MOV10L1: variants seen among roughly 807,000 people sequenced by gnomAD.
The protein encoded by MOV10L1 is RNA helicase Mov10l1.
Under a neutral mutation model 143.8 loss-of-function variants are expected in MOV10L1, and 110 were observed. That is an observed-to-expected ratio of 0.76 (90% CI 0.66 to 0.90). The LOEUF is 0.90. Among genes scored for constraint, MOV10L1 ranks in the 40% least tolerant of loss-of-function variants. The pLI is 0.00. For missense variants in MOV10L1, 1,406 were observed against 1,526.8 expected, an observed-to-expected ratio of 0.92 and a Z score of 1.32; for synonymous variants, 593 against 581.1, an observed-to-expected ratio of 1.02 and a Z score of -0.29.
At chr22:50,151,757 G>A (rs540874064) in intron 21 of MOV10L1, among the ~76,000 whole-genome samples, 2 of 152,340 alleles carry the variant, frequency 1.3e-5, no homozygotes, top group South Asian at 2.1e-4. Context: ...TGCAGGTGAC[G>A]TGGCCGCAGC....
At position 50,143,355 on chromosome 22, in the gene MOV10L1, A is replaced by G. The variant is rs771242808; in HGVS notation, c.2358+134A>G. 8 of 1,026,788 alleles carry G rather than the reference A, an allele frequency of 7.8e-6. No individual in the cohort carries two copies. In the East Asian group the frequency reaches 2.0e-4, roughly 25 times the overall value. 63.6% of individuals were successfully genotyped at this position (1,026,788 alleles called of 1,614,324 possible). A position where few individuals can be genotyped will look rare whatever the true frequency, so the allele number is the denominator to read the frequency against. On this transcript the variant is annotated intron_variant, in intron 17 of 26. Transcript: ENST00000262794. ...GCTTGAGAAATACCAGTTATTTCAT[A>G]ATGTTAAGTCTGTTTTTGTGGATAT...
intron 3 of MOV10L1, among the ~76,000 whole-genome samples, chr22:50,106,525 A>G (rs997641225): frequency 1.3e-5 from 2 of 151,928 alleles, no homozygotes; most frequent in African/African-American, 2.4e-5. Flanking sequence ...TACAACGTAT[A>G]GAACTAGTAC....
In MOV10L1 at chr22:50,141,995, A is replaced by G. The variant is rs1053469958; in HGVS notation, c.2071-86A>G. ...GTTAAATAAATATACTAAGTAGAACACTAGATGTTTACGTTTGCTCTTTCA... is the reference window on the plus strand; with the variant it reads ...GTTAAATAAATATACTAAGTAGAACGCTAGATGTTTACGTTTGCTCTTTCA... On this transcript the variant is annotated intron_variant, in intron 15 of 26. Transcript: ENST00000262794. The G allele has an allele frequency of 6.1e-6, 6 of 983,116 alleles. No individual in the cohort carries two copies. The African/African-American group carries it at 8.2e-5, about 13-fold the overall frequency. 60.9% of individuals were successfully genotyped at this position (983,116 alleles called of 1,614,324 possible). A position where few individuals can be genotyped will look rare whatever the true frequency, so the allele number is the denominator to read the frequency against.
Position 50,099,842 on chromosome 22 carries a change from A to G in MOV10L1, c.442+240A>G, listed in dbSNP as rs116408971. On this transcript the variant is annotated intron_variant, in intron 3 of 26. Transcript: ENST00000262794. Reference sequence around the variant, plus strand: ...TTTGTGATGGCTACACACAACATTGAAGGGATCAGTTTTGGGCATGCTTTG... The same window carrying G: ...TTTGTGATGGCTACACACAACATTGGAGGGATCAGTTTTGGGCATGCTTTG... 7.2e-3 allele frequency among the ~76,000 whole-genome samples: 1,091 copies of G among 152,216 alleles called. 13 individuals carry two copies. Among genetic ancestry groups the G allele is most frequent in the African/African-American group, 0.025 (1,036 of 41,522 alleles).
In MOV10L1 at chr22:50,144,118, A is replaced by C. The variant is rs752340340; in HGVS notation, c.2380A>C (p.Ser794Arg). The C allele has an allele frequency of 6.2e-7, 1 of 1,610,522 alleles. No individual in the cohort carries two copies. Among genetic ancestry groups the C allele is most frequent in the South Asian group, 1.1e-5 (1 of 90,998 alleles). ...VLQVHFALPD[S>R]RILVCAPSNS... ...GAAGGTACACTTTGCCTTGCCGGAC[A>C]GTCGGATTTTAGTCTGTGCGCCCTC... Residue 794 changes from serine (S) to arginine (R), a missense_variant, in exon 18 of 27, where the codon AGT (serine) becomes CGT (arginine). Physicochemically the swap from Ser to Arg is moderately radical, Grantham distance 110. Around this residue, in one of 3 missense-constraint regions of MOV10L1, gnomAD observed 1,233 missense variants for 1,351.4 expected, o/e 0.91. Transcript: ENST00000262794.
At chr22:50,148,758 G>T (rs1403346832) in intron 19 of MOV10L1, among the ~76,000 whole-genome samples, 1 of 151,806 alleles carries the variant, frequency 6.6e-6, no homozygotes, top group African/African-American at 2.4e-5. Context: ...CCGCCTCCCA[G>T]GTTCACGCCA....
At chr22:50,150,441 C>T (rs1000057140) in intron 20 of MOV10L1, among the ~76,000 whole-genome samples, 3 of 152,240 alleles carry the variant, frequency 2.0e-5, no homozygotes, top group Non-Finnish European at 4.4e-5. Flanking sequence ...AGAAGATAGA[C>T]GGCATCCTTG....
At chr22:50,120,015 C>T (rs759774706) in intron 9 of MOV10L1, among the ~76,000 whole-genome samples, 1 of 152,192 alleles carries the variant, frequency 6.6e-6, no homozygotes, top group African/African-American at 2.4e-5. Context: ...TGTTCTTCAT[C>T]CTGAACAAAC....
chr22:50,123,729 G>A (rs1194448865), intron 10 of MOV10L1, among the ~76,000 whole-genome samples: 3 of 152,144 alleles, frequency 2.0e-5, no homozygotes, highest in African/African-American at 7.2e-5. Flanking sequence ...GAGAAAGATT[G>A]GTATTAGTTA....
intron 13 of MOV10L1, among the ~76,000 whole-genome samples, chr22:50,131,154 C>T (rs760244439): frequency 1.3e-5 from 2 of 151,698 alleles, no homozygotes; most frequent in Non-Finnish European, 2.9e-5. Context: ...GTGATCTGCC[C>T]ACCTTGGCCT....
chr22:50,099,708 C>T, intron 3 of MOV10L1, 106 bp downstream of exon 3: 2 of 1,306,534 alleles, frequency 1.5e-6, no homozygotes, highest in Non-Finnish European at 1.0e-6. Context: ...AGCACTTTGT[C>T]AGGCTGAGAC....
Position 50,115,170 on chromosome 22 carries a change from C to A in MOV10L1, c.1183C>A (p.Gln395Lys). Residue 395 changes from glutamine (Q) to lysine (K), a missense_variant, in exon 8 of 27, where the codon CAG becomes AAG. Transcript: ENST00000262794. ...GEKDNILSRKQMTEPEPGGLV... is the reference protein window; with the variant it reads ...GEKDNILSRKKMTEPEPGGLV... Reference sequence around the variant, plus strand: ...AAAAGACAACATTCTATCAAGGAAGCAGATGACAGAGCCTGAGCCTGGGGG... The same window carrying A: ...AAAAGACAACATTCTATCAAGGAAGAAGATGACAGAGCCTGAGCCTGGGGG... 1 of 1,569,604 alleles carries A rather than the reference C, an allele frequency of 6.4e-7. No individual in the cohort carries two copies. The highest frequency in any genetic ancestry group is 8.6e-7 in the Non-Finnish European group (1 of 1,165,080).
chr22:50,136,650 G>C (rs573256490), intron 15 of MOV10L1, among the ~76,000 whole-genome samples: 1 of 152,194 alleles, frequency 6.6e-6, no homozygotes, highest in South Asian at 2.1e-4. Context: ...TGAGTACAGA[G>C]ACAGCATTTG....
In MOV10L1 at chr22:50,115,140, G is replaced by A. The variant is rs748360657; in HGVS notation, c.1153G>A (p.Gly385Arg). The change falls in exon 8 of 27, where the codon GGA (glycine) becomes AGA (arginine). Residue 385 changes from glycine to arginine, a missense_variant. By Grantham distance (125) the Gly-to-Arg change is moderately radical. Coordinates refer to ENST00000262794, the MANE Select transcript of MOV10L1 (RefSeq NM_018995.3). Reference protein sequence around the residue: ...PGDCTCKGENGEKDNILSRKQ... With the variant: ...PGDCTCKGENREKDNILSRKQ... ...TGATTGTACCTGTAAAGGAGAAAATGGAGAAAAAGACAACATTCTATCAAG... is the reference window on the plus strand; with the variant it reads ...TGATTGTACCTGTAAAGGAGAAAATAGAGAAAAAGACAACATTCTATCAAG... 6.4e-7 allele frequency: 1 copy of A among 1,570,940 alleles called. No individual in the cohort carries two copies. The highest frequency in any genetic ancestry group is 1.2e-5 in the South Asian group (1 of 82,838).
rs577262760 is a variant in MOV10L1 at position 50,118,975 on chromosome 22, C to T, written c.1455-1527C>T. On this transcript the variant is annotated intron_variant, in intron 9 of 26. Coordinates refer to ENST00000262794, the MANE Select transcript of MOV10L1 (RefSeq NM_018995.3). ...ACATCAAGGGGCTGTAGGGATGTAA[C>T]CCAGAAAAGGAGCAGGAAAGTCCCT... Among the ~76,000 whole-genome samples the T allele has an allele frequency of 2.6e-5, 4 of 152,236 alleles. No homozygotes were observed. The South Asian group carries it at 6.2e-4, about 24-fold the overall frequency.
chr22:50,114,943 C>T (rs1024944725), intron 7 of MOV10L1, among the ~76,000 whole-genome samples, 171 bp from the exon 8 acceptor site: 42 of 152,220 alleles, frequency 2.8e-4, no homozygotes, highest in Non-Finnish European at 8.8e-5. Flanking sequence ...CTACTTCCAG[C>T]TGCTCTCTCT....
chr22:50,127,339 G>T (rs572681138), intron 12 of MOV10L1, among the ~76,000 whole-genome samples: 2 of 152,168 alleles, frequency 1.3e-5, no homozygotes, highest in Non-Finnish European at 2.9e-5. Flanking sequence ...ATGACCTTCC[G>T]TATCCTTTTT....
intron 8 of MOV10L1, among the ~76,000 whole-genome samples, chr22:50,116,351 G>A (rs910723185): frequency 6.6e-6 from 1 of 151,740 alleles, no homozygotes; most frequent in Non-Finnish European, 1.5e-5. Flanking sequence ...GGAGGCTGAG[G>A]CAGGAGAATG....
At chr22:50,111,147 A>G (rs2147124790) in intron 5 of MOV10L1, among the ~76,000 whole-genome samples, 1 of 152,298 alleles carries the variant, frequency 6.6e-6, no homozygotes, top group South Asian at 2.1e-4. Flanking sequence ...TGCCTGGGAA[A>G]AAGGACCACA....
Sources: allele counts gnomAD v4.1 joint callset (sites outside exome capture counted in the v4.1 genomes callset), GRCh38; gene constraint gnomAD v4.1.1; regional missense constraint gnomAD v4.1.1; transcripts MANE v1.5; gene names NCBI Gene and HGNC (gene_info 2026-07-23, HGNC 2026-07-21).